Variants in TOP1 observed in about 807,000 individuals in gnomAD.
TOP1 encodes DNA topoisomerase I, also known as DNA topoisomerase 1.
Under a neutral mutation model 111.1 loss-of-function variants are expected in TOP1, and 10 were observed. The ratio of observed to expected loss-of-function variants is 0.09; its 90% CI spans 0.06 to 0.15. TOP1 has a LOEUF of 0.15. TOP1 is among the 10% of genes least tolerant of loss of function. The probability of loss-of-function intolerance (pLI) is 1.00; values close to 1 mark genes in which losing one functional copy is unlikely to be tolerated. For missense variants in TOP1, 474 were observed against 926.7 expected (o/e 0.51, Z 6.34); for synonymous variants, 271 against 302.9 (o/e 0.89, Z 1.10).
intron 8 of TOP1, among the ~76,000 whole-genome samples, chr20:41,089,361 T>C (rs917678912): frequency 1.3e-5 from 2 of 152,192 alleles, no homozygotes; most frequent in East Asian, 1.9e-4. Flanking sequence ...CATTCTACTT[T>C]CTGTCTCTAT....
Position 41,029,693 on chromosome 20 carries a change from C to T in TOP1, c.58+238C>T, listed in dbSNP as rs1001894747. ...AACGGAGACCCCGTGTCGTCCGCCA[C>T]CGGGCCTCGGGCGGTCTTTCCGGGC... On this transcript the variant is annotated intron_variant, in intron 2 of 20. Coordinates refer to ENST00000361337, the MANE Select transcript of TOP1 (RefSeq NM_003286.4). The surrounding 1 kb of genome is among the most constrained non-coding windows in gnomAD (Gnocchi z 6.1). 8 of 597,150 alleles carry T rather than the reference C, an allele frequency of 1.3e-5. No individual in the cohort carries two copies. The Admixed American group carries it at 2.1e-4, about 16-fold the overall frequency. 37.0% of individuals were successfully genotyped at this position (597,150 alleles called of 1,614,324 possible). A position where few individuals can be genotyped will look rare whatever the true frequency, so the allele number is the denominator to read the frequency against.
At chr20:41,099,579 A>G (rs902932373) in intron 11 of TOP1, among the ~76,000 whole-genome samples, 10 of 152,290 alleles carry the variant, frequency 6.6e-5, no homozygotes, top group Admixed American at 6.5e-4. Flanking sequence ...ATCATAGTAT[A>G]GAGTGTATAT....
In TOP1 at chr20:41,115,403, C is replaced by T. The variant is rs1230410692; in HGVS notation, c.1671C>T (p.Asn557=). The part of the protein sequence containing the change: ...VFKNLQLFME[N]KQPEDDLFDR... ...AGAACCTACAACTATTTATGGAGAA[C>T]AAGCAGCCCGAGGATGATCTTTTTG... The change falls in exon 16 of 21, where the codon AAC becomes AAT. Residue 557 remains asparagine, a synonymous_variant. Coordinates refer to ENST00000361337, the MANE Select transcript of TOP1 (RefSeq NM_003286.4). The surrounding 1 kb of genome is among the most constrained non-coding windows in gnomAD (Gnocchi z 6.3). 6.2e-7 allele frequency: 1 copy of T among 1,613,002 alleles called. No homozygotes were observed. Among genetic ancestry groups the T allele is most frequent in the East Asian group, 2.2e-5 (1 of 44,870 alleles).
In TOP1 at chr20:41,071,930, T is replaced by A. The variant is rs1363000909; in HGVS notation, c.156-4241T>A. On this transcript the variant is annotated intron_variant, in intron 3 of 20. Transcript: ENST00000361337. This position sits in a 1 kb window ranked among gnomAD's most constrained non-coding sequence, Gnocchi z 4.3. ...ATAAGTGTGACCATTGCAGAAGTTC[T>A]AGGACTGCTACTGTCTGTATTTTTG... 2.0e-5 allele frequency among the ~76,000 whole-genome samples: 3 copies of A among 152,236 alleles called. No individual in the cohort carries two copies. The East Asian group carries it at 5.8e-4, about 29-fold the overall frequency.
Position 41,113,984 on chromosome 20 carries a change from A to C in TOP1, c.1467A>C (p.Ala489=). 4 of 1,613,450 alleles carry C rather than the reference A, an allele frequency of 2.5e-6. No individual in the cohort carries two copies. The highest frequency in any genetic ancestry group is 3.4e-6 in the Non-Finnish European group (4 of 1,179,630). Residue 489 remains alanine (A), a synonymous_variant, in exon 15 of 21, where the codon GCA becomes GCC. Coordinates refer to ENST00000361337, the MANE Select transcript of TOP1 (RefSeq NM_003286.4). ...TTCCTGGGCAGCTTGCTCTGAGAGC[A>C]GGCAATGAAAAGGAGGAAGGAGAAA... ...LYFIDKLALR[A]GNEKEEGETA... is the part of the protein sequence containing the mutation.
chr20:41,029,117 C>T lies in TOP1; in HGVS notation c.33+17C>T, dbSNP rs538171621. 6 of 1,491,356 alleles carry T rather than the reference C, an allele frequency of 4.0e-6. No individual in the cohort carries two copies. In the African/African-American group the frequency reaches 7.3e-5, roughly 18 times the overall value. 92.4% of individuals were successfully genotyped at this position (1,491,356 alleles called of 1,614,324 possible). A position where few individuals can be genotyped will look rare whatever the true frequency, so the allele number is the denominator to read the frequency against. ...GATTCCCAGGTACGGCCCGGCCTGA[C>T]CCTGGCGGCCCCGGACCCCGGCCTG... is the stretch of plus-strand genomic sequence containing the variant. On this transcript the variant is annotated intron_variant, in intron 1 of 20. Transcript: ENST00000361337. This position sits in a 1 kb window ranked among gnomAD's most constrained non-coding sequence, Gnocchi z 6.1.
At chr20:41,064,780 A>C (rs944274285) in intron 3 of TOP1, among the ~76,000 whole-genome samples, 1 of 151,996 alleles carries the variant, frequency 6.6e-6, no homozygotes, top group Non-Finnish European at 1.5e-5. Context: ...CTAGTGTAAT[A>C]ATTATTATAT....
intron 8 of TOP1, among the ~76,000 whole-genome samples, chr20:41,089,590 T>C (rs944472714): frequency 2.6e-5 from 4 of 152,374 alleles, no homozygotes; most frequent in Non-Finnish European, 4.4e-5. Context: ...CCTTTGGCTG[T>C]TGCAGATAGT....
chr20:41,043,154 C>T (rs1386121343), intron 2 of TOP1, among the ~76,000 whole-genome samples: 4 of 152,234 alleles, frequency 2.6e-5, no homozygotes, highest in Non-Finnish European at 4.4e-5. Flanking sequence ...CGGGCCTCAC[C>T]CATACCTACT....
Position 41,079,440 on chromosome 20 carries a change from A to C in TOP1, c.336-645A>C, listed in dbSNP as rs2033764097. 6.6e-6 allele frequency among the ~76,000 whole-genome samples: 1 copy of C among 152,220 alleles called. No individual in the cohort carries two copies. Among genetic ancestry groups the C allele is most frequent in the South Asian group, 2.1e-4 (1 of 4,838 alleles). On this transcript the variant is annotated intron_variant, in intron 5 of 20. Transcript: ENST00000361337. This position sits in a 1 kb window ranked among gnomAD's most constrained non-coding sequence, Gnocchi z 4.0. ...TTTTGAAGGTAAGATCTTAACAAAT[A>C]GTAGTGAGACACTCTTCTGTATATA...
chr20:41,076,142 C>G (rs1484187524), intron 3 of TOP1, 29 bp from the exon 4 acceptor site: 2 of 1,599,280 alleles, frequency 1.3e-6, no homozygotes, highest in Non-Finnish European at 1.7e-6. Context: ...CTACTCTGGG[C>G]TAACGCTTTG....
intron 2 of TOP1, among the ~76,000 whole-genome samples, chr20:41,054,062 T>G (rs540593317): frequency 6.6e-6 from 1 of 152,288 alleles, no homozygotes; most frequent in South Asian, 2.1e-4. Context: ...TTGTGAAACT[T>G]AGAGGTGATA....
chr20:41,040,748 A>G (rs1381228138), intron 2 of TOP1, among the ~76,000 whole-genome samples: 3 of 148,564 alleles, frequency 2.0e-5, no homozygotes, highest in Non-Finnish European at 3.0e-5. Context: ...AGAGGTTGCA[A>G]TGAGCCGAGA....
intron 2 of TOP1, among the ~76,000 whole-genome samples, chr20:41,052,736 A>G (rs1343344869): frequency 2.0e-5 from 3 of 152,202 alleles, no homozygotes; most frequent in Non-Finnish European, 4.4e-5. Context: ...CACTCCTGTA[A>G]TCCCAGCACT....
chr20:41,082,353 A>G lies in TOP1; in HGVS notation c.507+1113A>G, dbSNP rs377056997. Reference sequence around the variant, plus strand: ...TGTATCATTTCATTTAATCCTTACAACCTGAATAGGTTGTTACATCCCTAT... The same window carrying G: ...TGTATCATTTCATTTAATCCTTACAGCCTGAATAGGTTGTTACATCCCTAT... On this transcript the variant is annotated intron_variant, in intron 7 of 20. Coordinates refer to ENST00000361337, the MANE Select transcript of TOP1 (RefSeq NM_003286.4). The surrounding 1 kb of genome is among the most constrained non-coding windows in gnomAD (Gnocchi z 4.1). 1.3e-5 allele frequency among the ~76,000 whole-genome samples: 2 copies of G among 152,306 alleles called. No homozygotes were observed. Among genetic ancestry groups the G allele is most frequent in the South Asian group, 2.1e-4 (1 of 4,822 alleles).
intron 2 of TOP1, among the ~76,000 whole-genome samples, chr20:41,054,223 G>A (rs1416236358): frequency 3.9e-5 from 6 of 152,050 alleles, no homozygotes; most frequent in Admixed American, 2.6e-4. Context: ...TGAATCACCC[G>A]GGCAGTTACC....
At chr20:41,107,708 T>C (rs753733184) in intron 13 of TOP1, among the ~76,000 whole-genome samples, 25 of 152,270 alleles carry the variant, frequency 1.6e-4, no homozygotes, top group Non-Finnish European at 3.1e-4. Flanking sequence ...TAATTACTGT[T>C]GGCAGTTTTT....
At chr20:41,111,233 C>T (rs1260712681) in intron 13 of TOP1, among the ~76,000 whole-genome samples, 1 of 152,138 alleles carries the variant, frequency 6.6e-6, no homozygotes, top group East Asian at 1.9e-4. Flanking sequence ...TTTTTCCGTG[C>T]ATGTGTAAGA....
rs1229600028 is a variant in TOP1, at chr20:41,030,370, G to T, written c.58+915G>T. Among the ~76,000 whole-genome samples, 1 of 151,640 alleles carries T rather than the reference G, an allele frequency of 6.6e-6. No individual in the cohort carries two copies. Among genetic ancestry groups the T allele is most frequent in the Non-Finnish European group, 1.5e-5 (1 of 67,936 alleles). On this transcript the variant is annotated intron_variant, in intron 2 of 20. Coordinates refer to ENST00000361337, the MANE Select transcript of TOP1 (RefSeq NM_003286.4). The surrounding 1 kb of genome is among the most constrained non-coding windows in gnomAD (Gnocchi z 4.1). ...GGCCTTTTCGTTTGGGTTGTAAGGA[G>T]GAAAAAAAGATTTTATTTATTGAAG...
Sources: gnomAD v4.1 joint callset for allele counts (sites outside exome capture counted in the v4.1 genomes callset) on GRCh38, gnomAD v4.1.1 for gene constraint, Gnocchi (gnomAD v3.1) non-coding constraint, MANE v1.5 for transcripts, NCBI Gene and HGNC (gene_info 2026-07-23, HGNC 2026-07-21) for gene names.